The following KLHL29 variants were observed in gnomAD, a reference collection of about 807,000 sequenced individuals.
KLHL29 encodes kelch like family member 29, also known as kelch-like protein 29.
A neutral mutation model predicts 80.4 loss-of-function variants in KLHL29; 21 were observed. That is an observed-to-expected ratio of 0.26 (90% CI 0.19 to 0.38). The LOEUF (loss-of-function observed/expected upper bound fraction) is 0.38, where lower values mean the gene tolerates loss of function less well. KLHL29 is among the 10% of genes least tolerant of loss of function. KLHL29 has a pLI of 1.00. For synonymous variants in KLHL29, 511 were observed against 526.8 expected (o/e 0.97, Z 0.41); for missense variants, 867 against 1,223.9 (o/e 0.71, Z 4.35).
intron 1 of KLHL29, among the ~76,000 whole-genome samples, chr2:23,408,798 CGTT>C (rs377551968): frequency 2.4e-4 from 37 of 152,298 alleles, no homozygotes; most frequent in East Asian, 9.6e-4. Context: ...AACGGCCTCT[CGTT>C]GTGTCTTCAC....
Position 23,708,455 on chromosome 2 carries a change from A to T in KLHL29, c.*1791A>T, listed in dbSNP as rs756061191. 9 of 152,196 alleles carry T rather than the reference A, an allele frequency of 5.9e-5. No individual in the cohort carries two copies. Among genetic ancestry groups the T allele is most frequent in the Non-Finnish European group, 1.2e-4 (8 of 68,038 alleles). The allele number at this position is 152,196 out of a possible 1,614,324, so 9.4% of individuals were successfully genotyped here. Reference sequence around the variant, plus strand: ...CGAGACTCAACACAGATGACATTGAAATTCGTTTCTCTCCTCATCTATCAC... The same window carrying T: ...CGAGACTCAACACAGATGACATTGATATTCGTTTCTCTCCTCATCTATCAC... On this transcript the variant is annotated 3_prime_UTR_variant, in exon 14 of 14. Transcript: ENST00000486442.
chr2:23,617,128 T>C (rs1669033809), intron 3 of KLHL29: 1 of 152,230 alleles, frequency 6.6e-6, no homozygotes. Flanking sequence ...CTCCCTTTGA[T>C]TACCCATAAC....
intron 2 of KLHL29, among the ~76,000 whole-genome samples, chr2:23,504,644 G>T (rs1234161514): frequency 6.6e-6 from 1 of 152,242 alleles, no homozygotes; most frequent in Non-Finnish European, 1.5e-5. Flanking sequence ...ACTGGAAGGG[G>T]GTAGGCACTA....
intron 3 of KLHL29, among the ~76,000 whole-genome samples, chr2:23,625,891 G>A (rs994850822): frequency 3.9e-5 from 6 of 152,186 alleles, no homozygotes; most frequent in African/African-American, 1.4e-4. Flanking sequence ...ACTGCCTGGT[G>A]AGGACACGGC....
At chr2:23,564,545 G>T (rs550148881) in intron 3 of KLHL29, among the ~76,000 whole-genome samples, 25 of 152,336 alleles carry the variant, frequency 1.6e-4, no homozygotes, top group Admixed American at 5.9e-4. Flanking sequence ...AGCACTGGGT[G>T]GGGGGAAGGG....
rs1414987232 is a variant in KLHL29 at position 23,707,715 on chromosome 2, T to C, written c.*1051T>C. On this transcript the variant is annotated 3_prime_UTR_variant, in exon 14 of 14. Coordinates refer to ENST00000486442, the MANE Select transcript of KLHL29 (RefSeq NM_052920.2). The stretch of plus-strand genomic sequence containing the variant: ...CAGTGGGAAGGGAAGGAGGGAGAAT[T>C]AGCGTCTATAAAGCACAGGAGACTA... 1 of 152,202 alleles carries C rather than the reference T, an allele frequency of 6.6e-6. No homozygotes were observed. The highest frequency in any genetic ancestry group is 1.5e-5 in the Non-Finnish European group (1 of 68,100). The allele number at this position is 152,202 out of a possible 1,614,324, so 9.4% of individuals were successfully genotyped here.
At chr2:23,385,964 G>A (rs994409732) in intron 1 of KLHL29, among the ~76,000 whole-genome samples, 184 bp downstream of exon 1, 1 of 152,048 alleles carries the variant, frequency 6.6e-6, no homozygotes, top group Non-Finnish European at 1.5e-5. Context: ...GCAGGCTGCA[G>A]GAGCCCTTGC....
intron 2 of KLHL29, among the ~76,000 whole-genome samples, chr2:23,547,573 G>A (rs1020003447): frequency 2.0e-5 from 3 of 151,940 alleles, no homozygotes; most frequent in Admixed American, 1.3e-4. Flanking sequence ...GAAAGTGTTC[G>A]CTTTCCGTAG....
intron 1 of KLHL29, among the ~76,000 whole-genome samples, chr2:23,406,836 C>T (rs1666749837): frequency 6.6e-6 from 1 of 152,106 alleles, no homozygotes; most frequent in African/African-American, 2.4e-5. Flanking sequence ...GGTTTGATCT[C>T]TTTAAAATTA....
At chr2:23,389,709 G>A (rs554790070) in intron 1 of KLHL29, among the ~76,000 whole-genome samples, 142 of 151,646 alleles carry the variant, frequency 9.4e-4, no homozygotes, top group African/African-American at 3.3e-3. Flanking sequence ...AGGGGGGGGC[G>A]GAATATATGT....
intron 2 of KLHL29, chr2:23,532,765 A>G (rs746827886): frequency 7.1e-6 from 3 of 419,836 alleles, no homozygotes; most frequent in African/African-American, 2.0e-5. Context: ...CACGGGGAGA[A>G]GGATCAGGGC....
chr2:23,528,875 G>A (rs536872010), intron 2 of KLHL29, among the ~76,000 whole-genome samples: 27 of 152,328 alleles, frequency 1.8e-4, no homozygotes, highest in African/African-American at 5.3e-4. Flanking sequence ...CGGTGCTGCC[G>A]TGTGTGTGGT....
Position 23,682,999 on chromosome 2 carries a change from G to A in KLHL29, c.941-1400G>A, listed in dbSNP as rs949003009. Among the ~76,000 whole-genome samples the A allele has an allele frequency of 1.3e-5, 2 of 152,232 alleles. No homozygotes were observed. Among genetic ancestry groups the A allele is most frequent in the Admixed American group, 6.5e-5 (1 of 15,288 alleles). On this transcript the variant is annotated intron_variant, in intron 5 of 13. Transcript: ENST00000486442. The surrounding 1 kb of genome is among the most constrained non-coding windows in gnomAD (Gnocchi z 4.1). ...ACCGTCTTCCTTGGTCTTCAGCAGA[G>A]CCCAGTGTGTCCTCACCAAAAAGGG... is the stretch of plus-strand genomic sequence containing the variant.
In KLHL29 at chr2:23,693,345, C is replaced by T. The variant is rs78203243; in HGVS notation, c.1359C>T (p.His453=). 418 of 1,551,620 alleles carry T rather than the reference C, an allele frequency of 2.7e-4. 1 individual carries two copies. In the East Asian group the frequency reaches 5.7e-3, roughly 21 times the overall value. The change falls in exon 8 of 14, where the codon CAC becomes CAT. Residue 453 remains histidine, a synonymous_variant. Coordinates refer to ENST00000486442, the MANE Select transcript of KLHL29 (RefSeq NM_052920.2). ...CCATGCAGTGCAGCGAGCTCTACCA[C>T]ATGGCCAAGGCCTTCGCGCTGCAGA... ...AEAMQCSELY[H]MAKAFALQIF... is the part of the protein sequence containing the mutation.
intron 5 of KLHL29, among the ~76,000 whole-genome samples, chr2:23,673,726 G>A (rs1670841799): frequency 7.0e-6 from 1 of 142,578 alleles, no homozygotes; most frequent in South Asian, 2.4e-4. Flanking sequence ...CCCCTACACA[G>A]GCACATACAC....
intron 2 of KLHL29, among the ~76,000 whole-genome samples, chr2:23,537,674 T>C (rs1343218071): frequency 6.6e-6 from 1 of 152,176 alleles, no homozygotes; most frequent in African/African-American, 2.4e-5. Flanking sequence ...TGGGAAGGGA[T>C]GGTTCATCGC....
At chr2:23,598,920 T>C (rs1240173667) in intron 3 of KLHL29, among the ~76,000 whole-genome samples, 1 of 152,188 alleles carries the variant, frequency 6.6e-6, no homozygotes, top group African/African-American at 2.4e-5. Flanking sequence ...GGTAGAGCAG[T>C]GTGGGCAGTG....
intron 5 of KLHL29, among the ~76,000 whole-genome samples, chr2:23,661,925 T>C (rs1376814871): frequency 1.3e-5 from 2 of 152,232 alleles, no homozygotes; most frequent in African/African-American, 4.8e-5. Context: ...CTAGAATCCA[T>C]GCTCCAAGGG....
intron 8 of KLHL29, 41 bp downstream of exon 8, chr2:23,693,569 G>C (rs751536269): frequency 1.3e-6 from 2 of 1,532,302 alleles, no homozygotes; most frequent in South Asian, 2.4e-5. Context: ...CTCTGGGTTT[G>C]GGGTCCCCCT....
Sources: gnomAD v4.1 joint callset for allele counts (sites outside exome capture counted in the v4.1 genomes callset) on GRCh38, gnomAD v4.1.1 for gene constraint, Gnocchi (gnomAD v3.1) non-coding constraint, MANE v1.5 for transcripts, NCBI Gene and HGNC (gene_info 2026-07-23, HGNC 2026-07-21) for gene names.